SLC24A2: variants seen among roughly 807,000 people sequenced by gnomAD.
SLC24A2 encodes the protein solute carrier family 24 member 2.
In SLC24A2, 36 loss-of-function variants were observed where a neutral mutation model predicts 62.0. That is an observed-to-expected ratio of 0.58 (90% CI 0.44 to 0.77). SLC24A2 has a LOEUF of 0.77. Among genes scored for constraint, SLC24A2 ranks in the 30% least tolerant of loss-of-function variants. The pLI, the probability that SLC24A2 is intolerant of heterozygous loss-of-function variation, is 0.00. For missense variants in SLC24A2, 846 were observed against 817.9 expected, an observed-to-expected ratio of 1.03 and a Z score of -0.42; for synonymous variants, 358 against 294.0, an observed-to-expected ratio of 1.22 and a Z score of -2.23.
the SLC24A2 span, among the ~76,000 whole-genome samples, chr9:19,948,818 C>T: frequency 7.3e-6 from 1 of 136,620 alleles, no homozygotes; most frequent in African/African-American, 2.7e-5. Context: ...GCACTCCCGC[C>T]TGGGCAACAG....
At chr9:19,642,983 ATTCT>A (rs1233818774) in intron 2 of SLC24A2, among the ~76,000 whole-genome samples, 3 of 105,072 alleles carry the variant, frequency 2.9e-5, no homozygotes, top group African/African-American at 1.1e-4. Context: ...CCTGGCCAGT[ATTCT>A]TTTTTTTTTT....
chr9:19,787,053 C>A, intron 1 of SLC24A2, 34 bp from the exon 2 acceptor site: 1 of 1,347,440 alleles, frequency 7.4e-7, no homozygotes, highest in Non-Finnish European at 9.6e-7. Context: ...ATAAGTAAAT[C>A]ATAAAATCAC....
chr9:19,558,909 A>G (rs1835250275), intron 7 of SLC24A2, among the ~76,000 whole-genome samples: 1 of 152,176 alleles, frequency 6.6e-6, no homozygotes, highest in Admixed American at 6.5e-5. Context: ...CTCCTAGGAG[A>G]AGACATCTTG....
chr9:20,102,413 G>A, the SLC24A2 span, among the ~76,000 whole-genome samples: 1 of 146,360 alleles, frequency 6.8e-6, no homozygotes, highest in Non-Finnish European at 1.5e-5. Flanking sequence ...CACACTGCAT[G>A]TTCCCACTCC....
At chr9:19,664,464 T>G (rs1819191207) in intron 2 of SLC24A2, among the ~76,000 whole-genome samples, 1 of 152,214 alleles carries the variant, frequency 6.6e-6, no homozygotes, top group South Asian at 2.1e-4. Context: ...AAATTGGATA[T>G]TAGCATTCCT....
chr9:20,231,847 T>C, the SLC24A2 span, among the ~76,000 whole-genome samples: 1 of 152,190 alleles, frequency 6.6e-6, no homozygotes, highest in Non-Finnish European at 1.5e-5. Context: ...TTTTTGCCCA[T>C]TCAGTATGAT....
At chr9:20,014,376 G>T in the SLC24A2 span, among the ~76,000 whole-genome samples, 2 of 151,766 alleles carry the variant, frequency 1.3e-5, no homozygotes, top group Admixed American at 6.6e-5. Flanking sequence ...CCACTTCTGG[G>T]TATATACCCA....
At chr9:19,663,330 C>G (rs1253676039) in intron 2 of SLC24A2, among the ~76,000 whole-genome samples, 1 of 152,204 alleles carries the variant, frequency 6.6e-6, no homozygotes, top group African/African-American at 2.4e-5. Context: ...CCACAAAGTT[C>G]TAGAGCAGAA....
chr9:20,133,685 T>C, the SLC24A2 span, among the ~76,000 whole-genome samples: 1 of 152,162 alleles, frequency 6.6e-6, no homozygotes, highest in Admixed American at 6.6e-5. Context: ...TTGGTATACA[T>C]TGCCAAAGTT....
the SLC24A2 span, among the ~76,000 whole-genome samples, chr9:20,201,007 C>T: frequency 2.0e-5 from 3 of 152,304 alleles, no homozygotes; most frequent in Middle Eastern, 3.4e-3. Flanking sequence ...TTCCAAGGTC[C>T]TTTAACAAAG....
chr9:20,274,780 G>A, the SLC24A2 span, among the ~76,000 whole-genome samples: 48 of 152,120 alleles, frequency 3.2e-4, no homozygotes, highest in African/African-American at 1.1e-3. Context: ...CTCATCCACC[G>A]AGATCTCTTG....
chr9:19,738,943 C>T (rs1449072095), intron 2 of SLC24A2, among the ~76,000 whole-genome samples: 1 of 152,044 alleles, frequency 6.6e-6, no homozygotes, highest in East Asian at 1.9e-4. Flanking sequence ...ATGGTGAAAT[C>T]CCACCTCTAC....
the SLC24A2 span, among the ~76,000 whole-genome samples, chr9:19,931,869 G>A: frequency 6.6e-6 from 1 of 151,892 alleles, no homozygotes; most frequent in Non-Finnish European, 1.5e-5. Context: ...ATAAAATATT[G>A]AGTTGGCTAT....
At chr9:19,655,674 T>C (rs1053426165) in intron 2 of SLC24A2, among the ~76,000 whole-genome samples, 5 of 152,212 alleles carry the variant, frequency 3.3e-5, no homozygotes, top group African/African-American at 1.2e-4. Context: ...TACAGATTTA[T>C]GGAGTTGTCT....
chr9:19,568,488 G>C (rs1586976020), intron 7 of SLC24A2, among the ~76,000 whole-genome samples: 1 of 152,172 alleles, frequency 6.6e-6, no homozygotes, highest in Non-Finnish European at 1.5e-5. Flanking sequence ...GCTAATAATA[G>C]CATACACCTA....
At chr9:19,572,510 G>A (rs145811006) in intron 7 of SLC24A2, among the ~76,000 whole-genome samples, 2 of 152,146 alleles carry the variant, frequency 1.3e-5, no homozygotes, top group African/African-American at 4.8e-5. Flanking sequence ...GAAAGTGTAT[G>A]GCACATCTCC....
intron 2 of SLC24A2, among the ~76,000 whole-genome samples, chr9:19,664,817 A>G (rs1166920111): frequency 2.0e-5 from 3 of 152,186 alleles, no homozygotes; most frequent in African/African-American, 7.2e-5. Context: ...ACGGATTGCC[A>G]GCAACTCCCA....
At chr9:20,146,677 G>A in the SLC24A2 span, among the ~76,000 whole-genome samples, 6 of 151,976 alleles carry the variant, frequency 3.9e-5, no homozygotes, top group African/African-American at 9.7e-5. Flanking sequence ...ACCCTGTGGG[G>A]CCTGCTGAAA....
At chr9:19,804,420 A>G in the SLC24A2 span, among the ~76,000 whole-genome samples, 1 of 152,088 alleles carries the variant, frequency 6.6e-6, no homozygotes, top group Non-Finnish European at 1.5e-5. Context: ...CAAAGTTATA[A>G]ATGGAATTGC....
Sources: gnomAD v4.1 joint callset for allele counts (sites outside exome capture counted in the v4.1 genomes callset) on GRCh38, gnomAD v4.1.1 for gene constraint, MANE v1.5 for transcripts, NCBI Gene and HGNC (gene_info 2026-07-23, HGNC 2026-07-21) for gene names.